The following RSRC1 variants were observed in gnomAD, a reference collection of about 807,000 sequenced individuals.
RSRC1 encodes the protein serine/Arginine-related protein 53.
In RSRC1, 39 loss-of-function variants were observed where a neutral mutation model predicts 49.1. That is an observed-to-expected ratio of 0.79 (90% CI 0.61 to 1.04). The LOEUF is 1.04. Among genes scored for constraint, RSRC1 ranks in the 50% least tolerant of loss-of-function variants. The probability of loss-of-function intolerance (pLI) is 0.00; values close to 1 mark genes in which losing one functional copy is unlikely to be tolerated. For synonymous variants in RSRC1, 143 were observed against 130.8 expected, an observed-to-expected ratio of 1.09 and a Z score of -0.63; for missense variants, 388 against 402.4, an observed-to-expected ratio of 0.96 and a Z score of 0.31.
In RSRC1 at chr3:158,372,501, G is replaced by T. The variant is rs1732137343; in HGVS notation, c.583+17593G>T. On this transcript the variant is annotated intron_variant, in intron 6 of 9. Coordinates refer to ENST00000611884, the MANE Select transcript of RSRC1 (RefSeq NM_001271838.2). The stretch of plus-strand genomic sequence containing the variant: ...TCTGAATTCTCTATTCTGTTCCATT[G>T]ATCTATCTGTCTATCCTTTTACTCA... Among the ~76,000 whole-genome samples the T allele has an allele frequency of 2.0e-5, 3 of 151,812 alleles. No individual in the cohort carries two copies. The South Asian group carries it at 6.2e-4, about 31-fold the overall frequency.
At chr3:158,461,148 A>G (rs1737590602) in intron 7 of RSRC1, 145 bp downstream of exon 7, 2 of 480,328 alleles carry the variant, frequency 4.2e-6, no homozygotes, top group African/African-American at 4.0e-5. Flanking sequence ...CACTATATTC[A>G]TTGTCTTGGA....
At position 158,325,006 on chromosome 3, in the gene RSRC1, G is replaced by A. The variant is rs541658623; in HGVS notation, c.531+26931G>A. On this transcript the variant is annotated intron_variant, in intron 5 of 9. Coordinates refer to ENST00000611884, the MANE Select transcript of RSRC1 (RefSeq NM_001271838.2). Reference sequence around the variant, plus strand: ...AGTGATGATGAGCATTGTTTCATGTGTCTGTTGGCTGCATAAATGTCTTCT... The same window carrying A: ...AGTGATGATGAGCATTGTTTCATGTATCTGTTGGCTGCATAAATGTCTTCT... Among the ~76,000 whole-genome samples the A allele has an allele frequency of 3.3e-5, 5 of 152,320 alleles. No homozygotes were observed. In the East Asian group the frequency reaches 7.7e-4, roughly 23 times the overall value.
chr3:158,392,040 T>G (rs1000594948), intron 6 of RSRC1, among the ~76,000 whole-genome samples: 1 of 152,068 alleles, frequency 6.6e-6, no homozygotes, highest in African/African-American at 2.4e-5. Context: ...ATCTACTAAT[T>G]CTGTTAATGA....
At chr3:158,145,045 G>A (rs1716997946) in intron 3 of RSRC1, among the ~76,000 whole-genome samples, 1 of 152,100 alleles carries the variant, frequency 6.6e-6, no homozygotes, top group Non-Finnish European at 1.5e-5. Flanking sequence ...TTTGTCAGAT[G>A]AGTAGATTGC....
At chr3:158,229,585 T>C (rs1399405028) in intron 4 of RSRC1, among the ~76,000 whole-genome samples, 1 of 151,390 alleles carries the variant, frequency 6.6e-6, no homozygotes, top group African/African-American at 2.4e-5. Flanking sequence ...GAGGTAAGTT[T>C]CTGGTTGTGA....
chr3:158,140,613 A>G (rs747514873), intron 3 of RSRC1, among the ~76,000 whole-genome samples: 3 of 152,162 alleles, frequency 2.0e-5, no homozygotes, highest in African/African-American at 7.2e-5. Context: ...TCTGTACTGT[A>G]TATGTTTTTC....
At chr3:158,454,480 G>A (rs1295306735) in intron 6 of RSRC1, among the ~76,000 whole-genome samples, 1 of 151,968 alleles carries the variant, frequency 6.6e-6, no homozygotes, top group East Asian at 1.9e-4. Flanking sequence ...AAATTCGTTG[G>A]TAAGATCTTC....
chr3:158,265,422 G>A (rs1218814296), intron 4 of RSRC1, among the ~76,000 whole-genome samples: 1 of 152,092 alleles, frequency 6.6e-6, no homozygotes, highest in Admixed American at 6.6e-5. Context: ...CCTGAGGTCA[G>A]GAGTTTGAGA....
chr3:158,283,530 CA>C (rs990204153), intron 4 of RSRC1, among the ~76,000 whole-genome samples: 2 of 152,018 alleles, frequency 1.3e-5, no homozygotes, highest in African/African-American at 4.8e-5. Flanking sequence ...TACTATAGCA[CA>C]AGACCATTTC....
intron 7 of RSRC1, among the ~76,000 whole-genome samples, chr3:158,513,756 CTT>C (rs1191831512): frequency 6.6e-6 from 1 of 152,084 alleles, no homozygotes; most frequent in African/African-American, 2.4e-5. Flanking sequence ...GTCCTGGACT[CTT>C]TGGTTGGTAA....
At chr3:158,130,044 C>G (rs1715913886) in intron 3 of RSRC1, among the ~76,000 whole-genome samples, 1 of 152,154 alleles carries the variant, frequency 6.6e-6, no homozygotes, top group South Asian at 2.1e-4. Context: ...ACATTTCTTA[C>G]AGTTCTGGTG....
chr3:158,192,432 G>A (rs1720304718), intron 3 of RSRC1, among the ~76,000 whole-genome samples: 1 of 152,070 alleles, frequency 6.6e-6, no homozygotes. Context: ...CTATAGTAGA[G>A]TCCTTGTGTT....
chr3:158,498,105 A>T (rs1182723125), intron 7 of RSRC1, among the ~76,000 whole-genome samples: 1 of 152,154 alleles, frequency 6.6e-6, no homozygotes, highest in East Asian at 1.9e-4. Context: ...GGATTGCTGG[A>T]TCAAATGGTA....
chr3:158,321,974 T>C (rs1728788535), intron 5 of RSRC1, among the ~76,000 whole-genome samples: 2 of 148,400 alleles, frequency 1.3e-5, no homozygotes, highest in African/African-American at 4.9e-5. Context: ...TTTTAACACC[T>C]ACACACACAC....
intron 1 of RSRC1, among the ~76,000 whole-genome samples, chr3:158,113,371 C>CTT (rs34005788): frequency 0.039 from 5,396 of 138,534 alleles, 139 homozygotes; most frequent in African/African-American, 0.053. Context: ...TGTTTTTTGA[C>CTT]TTTTTTTTTT....
chr3:158,281,935 T>C (rs1469761563), intron 4 of RSRC1, among the ~76,000 whole-genome samples: 1 of 152,188 alleles, frequency 6.6e-6, no homozygotes, highest in Non-Finnish European at 1.5e-5. Context: ...CAAAATTCTA[T>C]GTGTGACCAA....
intron 4 of RSRC1, among the ~76,000 whole-genome samples, chr3:158,209,019 C>T (rs1721509837): frequency 6.6e-6 from 1 of 152,184 alleles, no homozygotes; most frequent in Non-Finnish European, 1.5e-5. Flanking sequence ...TAAGTAGCCA[C>T]TAGTGATGTT....
chr3:158,179,423 G>C (rs369578098), intron 3 of RSRC1, among the ~76,000 whole-genome samples: 6 of 152,268 alleles, frequency 3.9e-5, no homozygotes, highest in Admixed American at 1.3e-4. Flanking sequence ...TGAAAGAAAA[G>C]ATTAGGCAAC....
intron 7 of RSRC1, among the ~76,000 whole-genome samples, chr3:158,514,537 G>A (rs570192427): frequency 4.6e-5 from 7 of 151,952 alleles, no homozygotes; most frequent in South Asian, 2.1e-4. Context: ...TTACTTCCAC[G>A]TATGTGGTCA....
Sources: gnomAD v4.1 joint callset for allele counts (sites outside exome capture counted in the v4.1 genomes callset) on GRCh38, gnomAD v4.1.1 for gene constraint, MANE v1.5 for transcripts, NCBI Gene and HGNC (gene_info 2026-07-23, HGNC 2026-07-21) for gene names.